The following KDM4C variants were observed in gnomAD, a reference collection of about 807,000 sequenced individuals.
KDM4C encodes the protein lysine demethylase 4C, also known as lysine-specific demethylase 4C.
In KDM4C, 81 loss-of-function variants were observed where a neutral mutation model predicts 129.3. The observed-to-expected ratio is 0.63, with a 90% CI of 0.52 to 0.75. The LOEUF (loss-of-function observed/expected upper bound fraction) is 0.75. Ranked by LOEUF, KDM4C falls within the 30% of genes least tolerant of loss-of-function variation. The pLI is 0.00. For synonymous variants in KDM4C, 573 were observed against 456.1 expected (o/e 1.26, Z -3.26); for missense variants, 1,457 against 1,304.0 (o/e 1.12, Z -1.81).
chr9:6,749,112 T>A, intron 1 of KDM4C: 1 of 425,340 alleles, frequency 2.4e-6, no homozygotes, highest in Non-Finnish European at 4.6e-6. Flanking sequence ...CTCTGCCTCC[T>A]AGGTTCAAGT....
chr9:7,079,913 T>C (rs1012857751), intron 17 of KDM4C, among the ~76,000 whole-genome samples: 1 of 152,182 alleles, frequency 6.6e-6, no homozygotes, highest in African/African-American at 2.4e-5. Context: ...CTGGTTCTCC[T>C]TTCCCACAAC....
intron 1 of KDM4C, among the ~76,000 whole-genome samples, chr9:6,761,988 C>T (rs983093584): frequency 1.3e-5 from 2 of 151,740 alleles, no homozygotes; most frequent in African/African-American, 2.4e-5. Context: ...TTAGTAGAGA[C>T]GGGGTTTCAC....
At chr9:6,910,557 A>G (rs558683821) in intron 8 of KDM4C, among the ~76,000 whole-genome samples, 2 of 152,336 alleles carry the variant, frequency 1.3e-5, no homozygotes, top group South Asian at 2.1e-4. Context: ...TAGAAATGCA[A>G]AGAGGTTAGT....
chr9:7,104,126 A>C (rs751070382), intron 18 of KDM4C: 2 of 430,732 alleles, frequency 4.6e-6, no homozygotes, highest in Non-Finnish European at 8.6e-6. Flanking sequence ...ATGCATGCAG[A>C]AAACTCTCCA....
At chr9:7,167,426 C>G (rs1451839759) in intron 20 of KDM4C, among the ~76,000 whole-genome samples, 1 of 152,122 alleles carries the variant, frequency 6.6e-6, no homozygotes, top group Non-Finnish European at 1.5e-5. Context: ...TTTAAGTGGT[C>G]TAAAACAAAT....
At chr9:6,757,633 C>G (rs1028726380), upstream of KDM4C, 1 of 985,346 alleles carries the variant, frequency 1.0e-6, no homozygotes, top group African/African-American at 1.7e-5. Context: ...GTCCGCGCGT[C>G]GGAGGCCGCC....
intron 5 of KDM4C, among the ~76,000 whole-genome samples, chr9:6,867,450 T>A (rs556854366): frequency 6.6e-6 from 1 of 152,366 alleles, no homozygotes; most frequent in African/African-American, 2.4e-5. Flanking sequence ...AGTAATGTTC[T>A]CAGAAGATTC....
At chr9:6,778,146 GTGGCATGATCTCGTCTTAC>G in intron 1 of KDM4C, among the ~76,000 whole-genome samples, 1 of 150,656 alleles carries the variant, frequency 6.6e-6, no homozygotes, top group African/African-American at 2.4e-5. Flanking sequence ...CTGGAGTGCA[GTGGCATGATCTCGTCTTAC>G]TGCAACCTCT....
intron 4 of KDM4C, among the ~76,000 whole-genome samples, chr9:6,822,145 C>G (rs751823126): frequency 1.3e-5 from 2 of 152,212 alleles, no homozygotes; most frequent in African/African-American, 2.4e-5. Flanking sequence ...CTGTCAAGTT[C>G]TGCCTTTTGC....
intron 19 of KDM4C, among the ~76,000 whole-genome samples, chr9:7,164,542 AG>A (rs781570284): frequency 1.3e-4 from 20 of 152,284 alleles, no homozygotes; most frequent in East Asian, 5.8e-4. Context: ...ACATTTATGT[AG>A]GGGGGTCCAG....
intron 8 of KDM4C, among the ~76,000 whole-genome samples, chr9:6,960,328 G>A (rs1346291411): frequency 6.8e-6 from 1 of 146,826 alleles, no homozygotes; most frequent in Admixed American, 6.9e-5. Context: ...CACCCAGGCT[G>A]AAGTACAGTG....
At chr9:6,989,679 T>C (rs1818376025) in intron 11 of KDM4C, among the ~76,000 whole-genome samples, 1 of 139,124 alleles carries the variant, frequency 7.2e-6, no homozygotes, top group Non-Finnish European at 1.6e-5. Flanking sequence ...TCTGTGAGGA[T>C]AGAAAATAAA....
Position 6,938,076 on chromosome 9 carries a change from A to G in KDM4C, c.922-42849A>G, listed in dbSNP as rs867541684. On this transcript the variant is annotated intron_variant, in intron 8 of 21. Coordinates refer to ENST00000381309, the MANE Select transcript of KDM4C (RefSeq NM_015061.6). ...TCAATATTTTACAAATTGCTAACAT[A>G]TATCACATAAATGGGACAGAATAAT... Among the ~76,000 whole-genome samples, 6 of 152,190 alleles carry G rather than the reference A, an allele frequency of 3.9e-5. No individual in the cohort carries two copies. In the South Asian group the frequency reaches 8.3e-4, roughly 21 times the overall value.
At chr9:7,149,596 C>T (rs1027847263) in intron 19 of KDM4C, among the ~76,000 whole-genome samples, 27 of 152,336 alleles carry the variant, frequency 1.8e-4, no homozygotes, top group African/African-American at 6.3e-4. Flanking sequence ...TCAGACAGGC[C>T]GCCGCCACCA....
chr9:6,809,143 A>G (rs1830690851), intron 3 of KDM4C, among the ~76,000 whole-genome samples: 1 of 152,234 alleles, frequency 6.6e-6, no homozygotes, highest in Non-Finnish European at 1.5e-5. Context: ...TGGCTATTCC[A>G]AAGAAATTGA....
At chr9:6,742,304 A>T (rs116557442) in intron 1 of KDM4C, among the ~76,000 whole-genome samples, 1 of 152,052 alleles carries the variant, frequency 6.6e-6, no homozygotes, top group Non-Finnish European at 1.5e-5. Flanking sequence ...GCAATACATT[A>T]TCTTTCCCTG....
At chr9:6,914,141 CCT>C (rs1234118428) in intron 8 of KDM4C, among the ~76,000 whole-genome samples, 1 of 152,210 alleles carries the variant, frequency 6.6e-6, no homozygotes, top group Non-Finnish European at 1.5e-5. Flanking sequence ...CTCACCGCAA[CCT>C]CTGCTTCCCA....
intron 21 of KDM4C, among the ~76,000 whole-genome samples, chr9:7,172,733 C>G (rs1352551473): frequency 6.6e-6 from 1 of 152,182 alleles, no homozygotes; most frequent in East Asian, 1.9e-4. Flanking sequence ...TGTTTTCAGG[C>G]TTCCTTGTGG....
intron 17 of KDM4C, among the ~76,000 whole-genome samples, chr9:7,082,549 C>T (rs1254837118): frequency 6.6e-6 from 1 of 152,160 alleles, no homozygotes; most frequent in African/African-American, 2.4e-5. Context: ...GCTCTGATTG[C>T]TTCCCATCCG....
Sources: allele counts gnomAD v4.1 joint callset (sites outside exome capture counted in the v4.1 genomes callset), GRCh38; gene constraint gnomAD v4.1.1; transcripts MANE v1.5; gene names NCBI Gene and HGNC (gene_info 2026-07-23, HGNC 2026-07-21).